Variants in THADA observed in about 807,000 individuals in gnomAD.
The protein encoded by THADA is THADA armadillo repeat containing.
THADA carries 213 observed loss-of-function variants against 219.8 expected under a neutral mutation model. That is an observed-to-expected ratio of 0.97 (90% CI 0.87 to 1.09). THADA has a LOEUF of 1.09. THADA is among the 50% of genes least tolerant of loss of function. The pLI is 0.00. For synonymous variants in THADA, 1,018 were observed against 828.9 expected (o/e 1.23, Z -3.92); for missense variants, 2,956 against 2,311.3 (o/e 1.28, Z -5.72).
At chr2:43,437,739 T>C (rs910780367) in intron 26 of THADA, among the ~76,000 whole-genome samples, 4 of 152,186 alleles carry the variant, frequency 2.6e-5, no homozygotes, top group Non-Finnish European at 5.9e-5. Flanking sequence ...TATTCAAGGA[T>C]GTTTATATAA....
chr2:43,237,741 C>T (rs1457756416), intron 36 of THADA, among the ~76,000 whole-genome samples: 3 of 151,914 alleles, frequency 2.0e-5, no homozygotes, highest in Admixed American at 1.3e-4. Context: ...CAGAAGAAAA[C>T]ATAGAAGTAA....
At chr2:43,298,943 C>G (rs999451801) in intron 31 of THADA, among the ~76,000 whole-genome samples, 7 of 152,130 alleles carry the variant, frequency 4.6e-5, no homozygotes, top group Non-Finnish European at 1.0e-4. Context: ...ATCTGAAAAT[C>G]TGAAATCCAA....
intron 31 of THADA, among the ~76,000 whole-genome samples, chr2:43,299,645 G>A (rs1158994035): frequency 6.6e-6 from 1 of 151,780 alleles, no homozygotes; most frequent in Non-Finnish European, 1.5e-5. Context: ...CTGAGCAACA[G>A]AAGAGACTCT....
intron 29 of THADA, among the ~76,000 whole-genome samples, chr2:43,379,579 A>T (rs1671765303): frequency 6.6e-6 from 1 of 152,230 alleles, no homozygotes; most frequent in Non-Finnish European, 1.5e-5. Flanking sequence ...AGCAACAGGA[A>T]CTCTCATTCA....
chr2:43,541,385 T>C, intron 20 of THADA, 69 bp from the exon 21 acceptor site: 1 of 1,565,248 alleles, frequency 6.4e-7, no homozygotes, highest in South Asian at 1.2e-5. Flanking sequence ...AAAACAAGCT[T>C]ATTCATAATT....
intron 15 of THADA, chr2:43,562,803 G>A (rs1308625464): frequency 1.3e-5 from 2 of 152,056 alleles, no homozygotes; most frequent in South Asian, 4.1e-4. Context: ...GTCACTAATT[G>A]TCATGTTTCT....
intron 29 of THADA, among the ~76,000 whole-genome samples, chr2:43,379,011 G>A (rs980786948): frequency 6.6e-6 from 1 of 152,186 alleles, no homozygotes; most frequent in African/African-American, 2.4e-5. Context: ...CAGAAGAAAG[G>A]AGTGGGATGC....
intron 26 of THADA, among the ~76,000 whole-genome samples, chr2:43,438,969 T>C (rs1412159692): frequency 6.6e-6 from 1 of 152,234 alleles, no homozygotes; most frequent in Non-Finnish European, 1.5e-5. Flanking sequence ...CTTGTGATGA[T>C]GTGAGATTTT....
At chr2:43,592,930 CTT>C (rs1032870518) in intron 1 of THADA, 1 of 152,168 alleles carries the variant, frequency 6.6e-6, no homozygotes, top group African/African-American at 2.4e-5. Context: ...ATGCTATTCT[CTT>C]GAGTTTGCTT....
intron 30 of THADA, among the ~76,000 whole-genome samples, chr2:43,325,915 T>C (rs1227462856): frequency 6.6e-6 from 1 of 152,226 alleles, no homozygotes; most frequent in African/African-American, 2.4e-5. Context: ...TACATTATAC[T>C]GAATGGCATC....
At chr2:43,594,655 C>G (rs1286339434) in intron 1 of THADA, among the ~76,000 whole-genome samples, 5 of 152,240 alleles carry the variant, frequency 3.3e-5, no homozygotes, top group Admixed American at 1.3e-4. Context: ...AATAATCTGA[C>G]CCTGCCTTCC....
chr2:43,366,483 A>C (rs898207803), intron 29 of THADA, among the ~76,000 whole-genome samples: 28 of 152,350 alleles, frequency 1.8e-4, no homozygotes, highest in African/African-American at 6.3e-4. Context: ...AATTCAGTGA[A>C]AAAAGCAGAA....
intron 22 of THADA, among the ~76,000 whole-genome samples, chr2:43,511,287 T>C (rs1690408069): frequency 6.6e-6 from 1 of 152,150 alleles, no homozygotes; most frequent in Admixed American, 6.5e-5. Context: ...TGTGCTGAAA[T>C]ACAAATACAC....
chr2:43,273,979 C>T (rs1672432417), intron 36 of THADA, among the ~76,000 whole-genome samples: 1 of 152,154 alleles, frequency 6.6e-6, no homozygotes, highest in African/African-American at 2.4e-5. Flanking sequence ...CACAATGCCA[C>T]TTGCCTACTG....
intron 29 of THADA, among the ~76,000 whole-genome samples, chr2:43,357,683 C>T (rs534851926): frequency 2.3e-4 from 35 of 152,070 alleles, no homozygotes; most frequent in African/African-American, 8.5e-4. Context: ...TCATGTACAG[C>T]CAAACTGTAC....
intron 28 of THADA, among the ~76,000 whole-genome samples, chr2:43,419,939 T>C (rs1215723075): frequency 1.3e-5 from 2 of 152,254 alleles, no homozygotes; most frequent in Non-Finnish European, 2.9e-5. Context: ...TCCTGTTAAA[T>C]AGCAAACCAT....
At chr2:43,485,573 C>T (rs919985709) in intron 25 of THADA, among the ~76,000 whole-genome samples, 2 of 152,056 alleles carry the variant, frequency 1.3e-5, no homozygotes, top group Admixed American at 6.6e-5. Context: ...CTAATATTAC[C>T]ATCAACAGTT....
chr2:43,529,846 C>T (rs1344042742), intron 21 of THADA, among the ~76,000 whole-genome samples: 2 of 152,138 alleles, frequency 1.3e-5, no homozygotes, highest in Non-Finnish European at 2.9e-5. Flanking sequence ...AGTAGTTAAA[C>T]ATGTCATCAT....
At chr2:43,375,778 G>A (rs528532605) in intron 29 of THADA, among the ~76,000 whole-genome samples, 2 of 152,304 alleles carry the variant, frequency 1.3e-5, no homozygotes, top group East Asian at 1.9e-4. Flanking sequence ...TTTGAAAACT[G>A]AGGTATCCCT....
Sources: gnomAD v4.1 joint callset for allele counts (sites outside exome capture counted in the v4.1 genomes callset) on GRCh38, gnomAD v4.1.1 for gene constraint, MANE v1.5 for transcripts, NCBI Gene and HGNC (gene_info 2026-07-23, HGNC 2026-07-21) for gene names.